TENM4: variants seen among roughly 807,000 people sequenced by gnomAD.
TENM4 encodes the protein teneurin transmembrane protein 4.
A neutral mutation model predicts 243.3 loss-of-function variants in TENM4; 82 were observed. The ratio of observed to expected loss-of-function variants is 0.34; its 90% CI spans 0.28 to 0.40. TENM4 has a LOEUF of 0.40. Among genes scored for constraint, TENM4 ranks in the 10% least tolerant of loss-of-function variants. The pLI is 1.00. For synonymous variants in TENM4, 1,412 were observed against 1,456.3 expected (o/e 0.97, Z 0.69); for missense variants, 3,138 against 3,673.3 (o/e 0.85, Z 3.77).
intron 3 of TENM4, among the ~76,000 whole-genome samples, chr11:79,154,361 A>G (rs182824256): frequency 6.6e-6 from 1 of 152,104 alleles, no homozygotes; most frequent in African/African-American, 2.4e-5. Context: ...GTGAGAACTC[A>G]CTCATTACCA....
In TENM4 at chr11:78,975,603, C is replaced by CAA. The variant is rs756124045; in HGVS notation, c.494-72081_494-72080insTT. ...CTTCCTTGGGATACACACACCCACA[C>CAA]ACACACACACACACATATATATATA... On this transcript the variant is annotated intron_variant, in intron 6 of 33. Coordinates refer to ENST00000278550, the MANE Select transcript of TENM4 (RefSeq NM_001098816.3). 8.7e-4 allele frequency among the ~76,000 whole-genome samples: 101 copies of CAA among 116,378 alleles called. 1 individual carries two copies. The highest frequency in any genetic ancestry group is 4.5e-3 in the Middle Eastern group (1 of 220). 76.3% of individuals were successfully genotyped at this position (116,378 alleles called of 152,430 possible).
intron 6 of TENM4, among the ~76,000 whole-genome samples, chr11:79,006,916 G>T (rs895521805): frequency 6.6e-6 from 1 of 152,196 alleles, no homozygotes; most frequent in African/African-American, 2.4e-5. Flanking sequence ...CATTTAAATT[G>T]GTGGACTTCG....
chr11:78,944,276 A>C (rs1565137678), intron 6 of TENM4, among the ~76,000 whole-genome samples: 1 of 152,060 alleles, frequency 6.6e-6, no homozygotes, highest in Non-Finnish European at 1.5e-5. Flanking sequence ...GAAAAAAAAA[A>C]CAAAGAACCT....
rs3812723 is a variant in TENM4 at position 78,863,031 on chromosome 11, C to T, written c.1186G>A (p.Val396Ile). The T allele has an allele frequency of 3.2e-4, 487 of 1,535,808 alleles. 6 individuals are homozygous for T. In the East Asian group the frequency reaches 0.01, roughly 33 times the overall value. Residue 396 changes from valine to isoleucine, a missense_variant, in exon 10 of 34, where the codon GTC becomes ATC. Physicochemically the swap from Val to Ile is conservative, Grantham distance 29. Transcript: ENST00000278550. ...TASSWPVPTD[V>I]SLYPSGGTGL... Reference sequence around the variant, plus strand: ...GTGCCCCCTGAGGGGTATAGGGAGACGTCGGTTGGCACAGGCCAACTGCTG... The same window carrying T: ...GTGCCCCCTGAGGGGTATAGGGAGATGTCGGTTGGCACAGGCCAACTGCTG...
At chr11:79,360,654 T>C (rs1173598971) in intron 1 of TENM4, among the ~76,000 whole-genome samples, 2 of 152,216 alleles carry the variant, frequency 1.3e-5, no homozygotes, top group Non-Finnish European at 2.9e-5. Context: ...CTCTGTTTGG[T>C]ATTTTAATAG....
In TENM4 at chr11:79,441,017, C is replaced by T. The variant is rs1273189698; in HGVS notation, c.-829G>A. On this transcript the variant is annotated 5_prime_UTR_variant, in exon 1 of 34. Coordinates refer to ENST00000278550, the MANE Select transcript of TENM4 (RefSeq NM_001098816.3). The stretch of plus-strand genomic sequence containing the variant: ...ACACACACACACGCACACGCACACG[C>T]AGGTTACATGAATGGGAGGCGGTAG... The T allele has an allele frequency of 6.5e-6, 1 of 153,316 alleles. No homozygotes were observed. Among genetic ancestry groups the T allele is most frequent in the Non-Finnish European group, 1.4e-5 (1 of 69,234 alleles). 9.5% of individuals were successfully genotyped at this position (153,316 alleles called of 1,614,324 possible).
chr11:79,155,324 G>C (rs1054387146), intron 3 of TENM4, among the ~76,000 whole-genome samples: 3 of 150,720 alleles, frequency 2.0e-5, no homozygotes, highest in Non-Finnish European at 4.4e-5. Context: ...TTGAGCTTTT[G>C]CTTCATGGGC....
chr11:78,676,078 A>G, intron 30 of TENM4, 74 bp downstream of exon 30: 2 of 1,353,300 alleles, frequency 1.5e-6, no homozygotes, highest in Non-Finnish European at 1.9e-6. Context: ...AGGGAATTTC[A>G]AGAACAGAGC....
At chr11:78,823,757 T>C (rs1256252251) in intron 12 of TENM4, among the ~76,000 whole-genome samples, 1 of 152,122 alleles carries the variant, frequency 6.6e-6, no homozygotes, top group East Asian at 1.9e-4. Context: ...AGAAACGACT[T>C]CATTGCCACA....
intron 2 of TENM4, among the ~76,000 whole-genome samples, chr11:79,264,825 A>G (rs1422932599): frequency 5.9e-5 from 9 of 152,234 alleles, no homozygotes; most frequent in African/African-American, 2.2e-4. Flanking sequence ...ATTCTAGAAC[A>G]TAAGCAGGGG....
At chr11:79,286,576 G>A (rs1856256216) in intron 2 of TENM4, among the ~76,000 whole-genome samples, 1 of 152,176 alleles carries the variant, frequency 6.6e-6, no homozygotes, top group African/African-American at 2.4e-5. Flanking sequence ...GGCTGAGGCA[G>A]GAGAATTGAT....
chr11:79,187,636 A>T (rs1032540475), intron 3 of TENM4, among the ~76,000 whole-genome samples: 4 of 152,212 alleles, frequency 2.6e-5, no homozygotes, highest in Non-Finnish European at 4.4e-5. Flanking sequence ...CCTATGTTGA[A>T]GTCCTAACCC....
intron 4 of TENM4, among the ~76,000 whole-genome samples, chr11:79,123,893 C>T (rs1030466483): frequency 1.3e-5 from 2 of 152,156 alleles, no homozygotes; most frequent in East Asian, 3.9e-4. Context: ...GTGCTAGTGG[C>T]CCTGAGATCA....
intron 6 of TENM4, among the ~76,000 whole-genome samples, chr11:78,942,533 G>A (rs542519726): frequency 1.3e-5 from 2 of 152,132 alleles, no homozygotes; most frequent in South Asian, 2.1e-4. Flanking sequence ...AAAGCCGTCC[G>A]GGGCTGCAGG....
rs1483932236 is a variant in TENM4, at chr11:79,063,739, A to C, written c.493+999T>G. 2.6e-5 allele frequency among the ~76,000 whole-genome samples: 4 copies of C among 152,286 alleles called. No individual in the cohort carries two copies. In the East Asian group the frequency reaches 7.7e-4, roughly 29 times the overall value. On this transcript the variant is annotated intron_variant, in intron 6 of 33. Transcript: ENST00000278550. ...AAGGTCCCAAGGGAGAAAGAGGAAG[A>C]CGCTGAAACTGGGCCCCCTTTCCTC...
intron 6 of TENM4, among the ~76,000 whole-genome samples, chr11:78,956,284 C>G (rs766973664): frequency 6.6e-6 from 1 of 152,108 alleles, no homozygotes; most frequent in Non-Finnish European, 1.5e-5. Context: ...AGGTCCCAGA[C>G]TGTTAGGGAG....
intron 28 of TENM4, among the ~76,000 whole-genome samples, chr11:78,692,212 T>C (rs1420205863): frequency 1.3e-5 from 2 of 152,208 alleles, no homozygotes; most frequent in African/African-American, 4.8e-5. Flanking sequence ...ATTTTCTTTC[T>C]TTCTAACCAA....
chr11:78,959,349 T>C (rs1857270844), intron 6 of TENM4, among the ~76,000 whole-genome samples: 1 of 152,166 alleles, frequency 6.6e-6, no homozygotes, highest in South Asian at 2.1e-4. Flanking sequence ...TCACATTTTT[T>C]CCATGAAAAA....
chr11:78,868,329 T>C (rs1452508692), intron 9 of TENM4, among the ~76,000 whole-genome samples: 3 of 152,190 alleles, frequency 2.0e-5, no homozygotes, highest in Admixed American at 6.5e-5. Context: ...TGATACTGGT[T>C]TTCCCGTTAG....
Sources: allele counts gnomAD v4.1 joint callset (sites outside exome capture counted in the v4.1 genomes callset), GRCh38; gene constraint gnomAD v4.1.1; transcripts MANE v1.5; gene names NCBI Gene and HGNC (gene_info 2026-07-23, HGNC 2026-07-21).